LIMS1: variants seen among roughly 807,000 people sequenced by gnomAD.
The protein encoded by LIMS1 is LIM zinc finger domain containing 1, also known as LIM and senescent cell antigen-like-containing domain protein 1.
In LIMS1, 18 loss-of-function variants were observed where a neutral mutation model predicts 44.1. That is an observed-to-expected ratio of 0.41 (90% CI 0.28 to 0.61). The LOEUF is 0.61. Ranked by LOEUF, LIMS1 falls within the 20% of genes least tolerant of loss-of-function variation. The pLI, the probability that LIMS1 is intolerant of heterozygous loss-of-function variation, is 0.32. For synonymous variants in LIMS1, 93 were observed against 149.1 expected (o/e 0.62, Z 2.74); for missense variants, 201 against 422.0 (o/e 0.48, Z 4.59).
intron 1 of LIMS1, among the ~76,000 whole-genome samples, chr2:108,639,997 A>G (rs111315018): frequency 6.6e-6 from 1 of 152,180 alleles, no homozygotes; most frequent in African/African-American, 2.4e-5. Context: ...GCCATTGTTC[A>G]GTCATTTGTT....
chr2:108,664,100 CAAAGAGG>C (rs1691583032), intron 2 of LIMS1, among the ~76,000 whole-genome samples: 1 of 152,092 alleles, frequency 6.6e-6, no homozygotes, highest in Non-Finnish European at 1.5e-5. Flanking sequence ...AGATGTTTTA[CAAAGAGG>C]TTTCTTCACT....
chr2:108,536,669 C>T (rs1034940402), intron 1 of LIMS1, among the ~76,000 whole-genome samples: 31 of 152,298 alleles, frequency 2.0e-4, no homozygotes, highest in Admixed American at 2.0e-3. Context: ...CACCCTAGAC[C>T]TCCCAGGCTG....
intron 1 of LIMS1, among the ~76,000 whole-genome samples, chr2:108,615,989 C>T (rs1687905340): frequency 2.0e-5 from 3 of 152,252 alleles, no homozygotes; most frequent in Admixed American, 1.3e-4. Flanking sequence ...TTGTACTCTC[C>T]CTTGGCCCCT....
chr2:108,540,574 G>T (rs536138857), intron 1 of LIMS1, among the ~76,000 whole-genome samples: 1 of 152,142 alleles, frequency 6.6e-6, no homozygotes, highest in African/African-American at 2.4e-5. Context: ...ATCTGTTAAC[G>T]TGCTAAAAAG....
At chr2:108,600,926 C>T (rs1328471978) in intron 1 of LIMS1, among the ~76,000 whole-genome samples, 1 of 119,458 alleles carries the variant, frequency 8.4e-6, no homozygotes, top group Non-Finnish European at 1.9e-5. Context: ...CTCTTCTCTT[C>T]TCTTCTCTTT....
rs1442731678 is a variant in LIMS1 at position 108,676,923 on chromosome 2, A to C, written c.774+225A>C. ...CCACAGTTTGCTTTATCATTTCCCA[A>C]GCTCAGTCTTCCTGTGTAAAACACA... On this transcript the variant is annotated intron_variant, in intron 7 of 9. Transcript: ENST00000544547. 7.4e-5 allele frequency: 39 copies of C among 529,148 alleles called. No homozygotes were observed. The East Asian group carries it at 9.9e-4, about 13-fold the overall frequency. The allele number at this position is 529,148 out of a possible 1,614,324, so 32.8% of individuals were successfully genotyped here.
chr2:108,551,695 A>G (rs761019457), intron 1 of LIMS1, among the ~76,000 whole-genome samples: 1 of 146,064 alleles, frequency 6.8e-6, no homozygotes, highest in Non-Finnish European at 1.5e-5. Flanking sequence ...CTGTATACAT[A>G]CACTAGTATA....
At chr2:108,610,664 T>A (rs1370299759) in intron 1 of LIMS1, among the ~76,000 whole-genome samples, 1 of 152,078 alleles carries the variant, frequency 6.6e-6, no homozygotes, top group Non-Finnish European at 1.5e-5. Context: ...GTCCCAAGAG[T>A]AGCATTCTAC....
At chr2:108,651,407 C>A (rs1399983101) in intron 1 of LIMS1, among the ~76,000 whole-genome samples, 7 of 152,254 alleles carry the variant, frequency 4.6e-5, no homozygotes. Flanking sequence ...TCCCAACTCC[C>A]AGTAGGATAT....
At chr2:108,647,159 A>G (rs1095558) in intron 1 of LIMS1, among the ~76,000 whole-genome samples, 32,717 of 152,204 alleles carry the variant, frequency 0.21, 4,512 homozygotes, top group Middle Eastern at 0.37. Context: ...CAAAAATACA[A>G]ACTACCATCA....
chr2:108,649,371 TTGG>T (rs1199625400), intron 1 of LIMS1, among the ~76,000 whole-genome samples: 1 of 152,226 alleles, frequency 6.6e-6, no homozygotes, highest in Non-Finnish European at 1.5e-5. Flanking sequence ...TTTTACACTG[TTGG>T]TGGGAGTGTA....
At chr2:108,580,641 TA>T (rs1233808736) in intron 1 of LIMS1, among the ~76,000 whole-genome samples, 2 of 152,060 alleles carry the variant, frequency 1.3e-5, no homozygotes, top group African/African-American at 2.4e-5. Flanking sequence ...AGATATAAAG[TA>T]GTAAATCGAT....
At chr2:108,619,932 G>A (rs993218147) in intron 1 of LIMS1, among the ~76,000 whole-genome samples, 2 of 152,080 alleles carry the variant, frequency 1.3e-5, no homozygotes, top group African/African-American at 2.4e-5. Context: ...ATACCCTCCC[G>A]GAGACAGATG....
chr2:108,535,297 A>T (rs1358660948), intron 1 of LIMS1, among the ~76,000 whole-genome samples: 2 of 152,254 alleles, frequency 1.3e-5, no homozygotes, highest in African/African-American at 2.4e-5. Flanking sequence ...TCAGATAATT[A>T]TGGGTATTCT....
At chr2:108,598,260 A>G (rs189921019) in intron 1 of LIMS1, among the ~76,000 whole-genome samples, 291 of 152,222 alleles carry the variant, frequency 1.9e-3, no homozygotes, top group Non-Finnish European at 1.9e-3. Context: ...ATCAGTTCAT[A>G]GTAAACTAAA....
chr2:108,679,767 T>G (rs986286022), intron 8 of LIMS1, among the ~76,000 whole-genome samples: 1 of 111,852 alleles, frequency 8.9e-6, no homozygotes, highest in Non-Finnish European at 2.0e-5. Flanking sequence ...AATAAAAAAT[T>G]AGCCAGGTGT....
chr2:108,640,530 T>C (rs188316372), intron 1 of LIMS1, among the ~76,000 whole-genome samples: 1 of 152,336 alleles, frequency 6.6e-6, no homozygotes, highest in Admixed American at 6.5e-5. Flanking sequence ...GGGCCATTCC[T>C]GCCTTCTCTG....
At chr2:108,621,368 A>C (rs1235182368) in intron 1 of LIMS1, 2 of 1,550,046 alleles carry the variant, frequency 1.3e-6, no homozygotes, top group Non-Finnish European at 1.7e-6. Context: ...ACTGCATTAC[A>C]GCTTAAAGAG....
intron 1 of LIMS1, among the ~76,000 whole-genome samples, chr2:108,647,513 A>G (rs374960662): frequency 6.6e-6 from 1 of 152,346 alleles, no homozygotes; most frequent in Admixed American, 6.5e-5. Flanking sequence ...CACAACAAAA[A>G]AAGAAAATTT....
Sources: gnomAD v4.1 joint callset for allele counts (sites outside exome capture counted in the v4.1 genomes callset) on GRCh38, gnomAD v4.1.1 for gene constraint, MANE v1.5 for transcripts, NCBI Gene and HGNC (gene_info 2026-07-23, HGNC 2026-07-21) for gene names.